ABCC11: variants seen among roughly 807,000 people sequenced by gnomAD.
ABCC11 encodes the protein ATP-binding cassette sub-family C member 11.
ABCC11 carries 135 observed loss-of-function variants against 149.3 expected under a neutral mutation model. The ratio of observed to expected loss-of-function variants is 0.90; its 90% CI spans 0.79 to 1.04. The LOEUF (loss-of-function observed/expected upper bound fraction) is 1.04, where lower values mean the gene tolerates loss of function less well. Among genes scored for constraint, ABCC11 ranks in the 50% least tolerant of loss-of-function variants. The pLI is 0.00. For missense variants in ABCC11, 1,680 were observed against 1,722.1 expected (o/e 0.98, Z 0.43); for synonymous variants, 665 against 671.4 (o/e 0.99, Z 0.15).
At chr16:48,207,176 A>G (rs9932850) in intron 12 of ABCC11, among the ~76,000 whole-genome samples, 27,858 of 151,958 alleles carry the variant, frequency 0.18, 2,823 homozygotes, top group Middle Eastern at 0.29. Context: ...GGGACAATGG[A>G]CAGAAGAAGA....
intron 12 of ABCC11, among the ~76,000 whole-genome samples, chr16:48,206,845 T>C (rs1205452272): frequency 1.3e-5 from 2 of 152,208 alleles, no homozygotes; most frequent in Non-Finnish European, 2.9e-5. Context: ...AAATGGGTCA[T>C]CGTGAGTATG....
At chr16:48,246,732 A>C (rs1971410444) in intron 1 of ABCC11, among the ~76,000 whole-genome samples, 1 of 151,970 alleles carries the variant, frequency 6.6e-6, no homozygotes, top group Non-Finnish European at 1.5e-5. Flanking sequence ...GCACCACTAC[A>C]CCCAGCTAAT....
chr16:48,212,815 T>C (rs1343327736), intron 10 of ABCC11, among the ~76,000 whole-genome samples: 1 of 152,174 alleles, frequency 6.6e-6, no homozygotes, highest in African/African-American at 2.4e-5. Context: ...AAAATGACTT[T>C]TAAGAATTGG....
At chr16:48,200,529 G>T in intron 14 of ABCC11, 50 bp from the exon 15 acceptor site, 1 of 1,584,944 alleles carries the variant, frequency 6.3e-7, no homozygotes, top group Non-Finnish European at 8.6e-7. Context: ...AGCACAGCCA[G>T]GTGTGCTCAA....
intron 1 of ABCC11, among the ~76,000 whole-genome samples, chr16:48,239,944 T>C (rs1970879545): frequency 6.6e-6 from 1 of 152,144 alleles, no homozygotes; most frequent in Admixed American, 6.5e-5. Flanking sequence ...CACTGATCAT[T>C]AGAGAAATGC....
At chr16:48,205,039 G>A (rs761653651) in intron 13 of ABCC11, among the ~76,000 whole-genome samples, 6 of 152,150 alleles carry the variant, frequency 3.9e-5, no homozygotes, top group African/African-American at 1.2e-4. Context: ...TCACTTAGGG[G>A]CCAAGATTTA....
At chr16:48,238,440 C>T (rs904837638) in intron 1 of ABCC11, among the ~76,000 whole-genome samples, 1 of 151,992 alleles carries the variant, frequency 6.6e-6, no homozygotes, top group African/African-American at 2.4e-5. Context: ...ACTGAGAAGT[C>T]GCTTAACAAA....
chr16:48,226,084 TA>T (rs1970051811), intron 4 of ABCC11, among the ~76,000 whole-genome samples: 1 of 151,866 alleles, frequency 6.6e-6, no homozygotes, highest in Admixed American at 6.6e-5. Context: ...TTATTATTAT[TA>T]TTATTATTTG....
Position 48,231,924 on chromosome 16 carries a change from T to C in ABCC11, c.-3A>G, listed in dbSNP as rs374828319. On this transcript the variant is annotated 5_prime_UTR_variant, in exon 2 of 30. Transcript: ENST00000356608. ...CAGTATGTCCTCTTCCTAGTCATTTTCAGTTCCTGCCAATTCTTCGTTTCC... is the reference window on the plus strand; with the variant it reads ...CAGTATGTCCTCTTCCTAGTCATTTCCAGTTCCTGCCAATTCTTCGTTTCC... The C allele has an allele frequency of 1.2e-6, 2 of 1,613,924 alleles. No homozygotes were observed. Among genetic ancestry groups the C allele is most frequent in the Non-Finnish European group, 1.7e-6 (2 of 1,179,942 alleles).
rs146029165 is a variant in ABCC11 at position 48,216,233 on chromosome 16, C to A, written c.832G>T (p.Gly278Ter). ...GCGCAGGTGATCAGTACTAGGGGTC[C>A]ATAGCACACCCCTTCAAACAGGTAG... ...VNYLFEGVCY[G>*]PLVLITCASL... is the part of the protein sequence containing the mutation. The change falls in exon 7 of 30, where the codon GGA becomes TGA. Residue 278 changes from glycine (G) to a stop codon, truncating the protein, a stop_gained. Transcript: ENST00000356608. LOFTEE classifies it high-confidence loss of function. 6.2e-5 allele frequency: 100 copies of A among 1,613,546 alleles called. No homozygotes were observed. The African/African-American group carries it at 1.1e-3, about 17-fold the overall frequency.
rs1393984875 is a variant in ABCC11 at position 48,176,935 on chromosome 16, C to T, written c.3527G>A (p.Arg1176Lys). 1.2e-6 allele frequency: 2 copies of T among 1,613,710 alleles called. No homozygotes were observed. Among genetic ancestry groups the T allele is most frequent in the Non-Finnish European group, 1.7e-6 (2 of 1,179,942 alleles). The part of the protein sequence containing the change: ...RGHEVVGIVG[R>K]TGSGKSSLGM... Reference sequence around the variant, plus strand: ...GAAGCTCAGCTCACCAGAGCCCGTCCTTCCCACGATGCCCACCACTTCGTG... The same window carrying T: ...GAAGCTCAGCTCACCAGAGCCCGTCTTTCCCACGATGCCCACCACTTCGTG... The change falls in exon 25 of 30, where the codon AGG becomes AAG. Residue 1176 changes from arginine to lysine, a missense_variant. By Grantham distance (26) the Arg-to-Lys change is conservative (BLOSUM62 2). Transcript: ENST00000356608.
In ABCC11 at chr16:48,198,063, A is replaced by T; in HGVS notation, c.2222T>A (p.Met741Lys). The part of the protein sequence containing the change: ...QKMHKEATSD[M>K]LQDTAKIAEK... ...TGCTATCTTTGCTGTGTCCTGCAAC[A>T]TGTCCTGGGGAGAGAGCACAGGCCC... The change falls in exon 17 of 30, where the codon ATG becomes AAG. Residue 741 changes from methionine (M) to lysine (K), a missense_variant. Met to Lys is a moderately conservative substitution (Grantham distance 95, BLOSUM62 -1). Coordinates refer to ENST00000356608, the MANE Select transcript of ABCC11 (RefSeq NM_001370497.1). 2 of 1,614,192 alleles carry T rather than the reference A, an allele frequency of 1.2e-6. No homozygotes were observed. Among genetic ancestry groups the T allele is most frequent in the Non-Finnish European group, 1.7e-6 (2 of 1,180,034 alleles).
Position 48,205,438 on chromosome 16 carries a change from T to C in ABCC11, c.1780A>G (p.Met594Val), listed in dbSNP as rs1306289035. The C allele has an allele frequency of 1.9e-6, 3 of 1,614,148 alleles. No individual in the cohort carries two copies. Among genetic ancestry groups the C allele is most frequent in the African/African-American group, 1.3e-5 (1 of 75,030 alleles). The change falls in exon 13 of 30, where the codon ATG becomes GTG. Residue 594 changes from methionine to valine, a missense_variant. By Grantham distance (21) the Met-to-Val change is conservative. Transcript: ENST00000356608. The part of the protein sequence containing the change: ...VSGNIRENIL[M>V]GGAYDKARYL... Reference sequence around the variant, plus strand: ...CGGGCCTTGTCATATGCGCCTCCCATGAGGATGTTCTCCCTGATGTTCCCG... The same window carrying C: ...CGGGCCTTGTCATATGCGCCTCCCACGAGGATGTTCTCCCTGATGTTCCCG...
intron 1 of ABCC11, chr16:48,235,155 C>T (rs1183871935): frequency 2.0e-5 from 3 of 152,164 alleles, no homozygotes; most frequent in Admixed American, 1.3e-4. Flanking sequence ...TATGATTTGC[C>T]AACCTGGTTT....
chr16:48,199,835 G>A (rs1967786241), intron 15 of ABCC11, among the ~76,000 whole-genome samples: 1 of 151,630 alleles, frequency 6.6e-6, no homozygotes, highest in Non-Finnish European at 1.5e-5. Flanking sequence ...ACAACACCTG[G>A]CTAATTTTTT....
At chr16:48,208,611 C>T in intron 11 of ABCC11, 115 bp from the exon 12 acceptor site, 1 of 1,122,494 alleles carries the variant, frequency 8.9e-7, no homozygotes, top group Non-Finnish European at 1.3e-6. Flanking sequence ...ACAAAATAAC[C>T]ACACAGAGCC....
At position 48,213,363 on chromosome 16, in the gene ABCC11, G is replaced by A. The variant is rs924160447; in HGVS notation, c.1356+80C>T. The A allele has an allele frequency of 1.5e-5, 20 of 1,309,948 alleles. 1 individual carries two copies. In the South Asian group the frequency reaches 1.8e-4, roughly 12 times the overall value. 81.1% of individuals were successfully genotyped at this position (1,309,948 alleles called of 1,614,324 possible). A position where few individuals can be genotyped will look rare whatever the true frequency, so the allele number is the denominator to read the frequency against. On this transcript the variant is annotated intron_variant, in intron 10 of 29. Transcript: ENST00000356608. ...GACCTAGGCCTTGGCCAGGGGACGT[G>A]TTCTGGAGGAACATCATGGGGGCTG...
intron 1 of ABCC11, among the ~76,000 whole-genome samples, chr16:48,245,344 G>A (rs1288671693): frequency 6.6e-6 from 1 of 152,188 alleles, no homozygotes; most frequent in Non-Finnish European, 1.5e-5. Flanking sequence ...CCCTATTGGT[G>A]TGACTTTGGG....
At chr16:48,246,899 C>T (rs1200372589) in intron 1 of ABCC11, among the ~76,000 whole-genome samples, 1 of 146,928 alleles carries the variant, frequency 6.8e-6, no homozygotes, top group Non-Finnish European at 1.5e-5. Flanking sequence ...TTATGAAAAT[C>T]CCTCCAAAGC....
Sources: gnomAD v4.1 joint callset for allele counts (sites outside exome capture counted in the v4.1 genomes callset) on GRCh38, gnomAD v4.1.1 for gene constraint, MANE v1.5 for transcripts, NCBI Gene and HGNC (gene_info 2026-07-23, HGNC 2026-07-21) for gene names.